Variants in ITPR2 observed in about 807,000 individuals in gnomAD.
The protein encoded by ITPR2 is inositol 1,4,5-trisphosphate-gated calcium channel ITPR2.
A neutral mutation model predicts 317.1 loss-of-function variants in ITPR2; 207 were observed. The ratio of observed to expected loss-of-function variants is 0.65; its 90% CI spans 0.58 to 0.73. The LOEUF (loss-of-function observed/expected upper bound fraction) is 0.73, where lower values mean the gene tolerates loss of function less well. ITPR2 is among the 30% of genes least tolerant of loss of function. The pLI, the probability that ITPR2 is intolerant of heterozygous loss-of-function variation, is 0.00. For synonymous variants in ITPR2, 1,156 were observed against 1,149.1 expected, an observed-to-expected ratio of 1.01 and a Z score of -0.12; for missense variants, 2,613 against 3,284.0, an observed-to-expected ratio of 0.80 and a Z score of 4.99.
At chr12:26,747,251 T>A (rs1365554077) in intron 2 of ITPR2, among the ~76,000 whole-genome samples, 1 of 152,198 alleles carries the variant, frequency 6.6e-6, no homozygotes, top group Non-Finnish European at 1.5e-5. Flanking sequence ...TACAATTCAC[T>A]ATGCTACCAG....
chr12:26,409,016 C>A lies in ITPR2; in HGVS notation c.7399+2304G>T, dbSNP rs80207992. Among the ~76,000 whole-genome samples the A allele has an allele frequency of 7.2e-3, 1,096 of 152,224 alleles. 6 individuals carry two copies. The highest frequency in any genetic ancestry group is 9.7e-3 in the Non-Finnish European group (659 of 68,012). ...CCAGGAGTCATTTAATTTTACCCAGCTATTTCAACTATGTTCAAGTTTTCA... is the reference window on the plus strand; with the variant it reads ...CCAGGAGTCATTTAATTTTACCCAGATATTTCAACTATGTTCAAGTTTTCA... On this transcript the variant is annotated intron_variant, in intron 52 of 56. Coordinates refer to ENST00000381340, the MANE Select transcript of ITPR2 (RefSeq NM_002223.4).
In ITPR2 at chr12:26,338,437, G is replaced by A. The variant is rs934722459; in HGVS notation, c.*960C>T. 2 of 152,510 alleles carry A rather than the reference G, an allele frequency of 1.3e-5. No homozygotes were observed. Among genetic ancestry groups the A allele is most frequent in the Non-Finnish European group, 2.9e-5 (2 of 68,010 alleles). The allele number at this position is 152,510 out of a possible 1,614,324, so 9.4% of individuals were successfully genotyped here. A position where few individuals can be genotyped will look rare whatever the true frequency, so the allele number is the denominator to read the frequency against. ...GCATACATAAAAACGCTCGGGTCCT[G>A]AAGCAATTCTTTAAGCACAGCAAAC... On this transcript the variant is annotated 3_prime_UTR_variant, in exon 57 of 57. Coordinates refer to ENST00000381340, the MANE Select transcript of ITPR2 (RefSeq NM_002223.4).
chr12:26,621,370 T>C (rs1199182027), intron 25 of ITPR2, 74 bp from the exon 26 acceptor site: 11 of 1,180,256 alleles, frequency 9.3e-6, no homozygotes, highest in Admixed American at 2.3e-5. Context: ...TAGATGTATA[T>C]TGACCATGAA....
chr12:26,438,900 T>G (rs185049398), intron 47 of ITPR2, among the ~76,000 whole-genome samples: 64 of 152,360 alleles, frequency 4.2e-4, no homozygotes, highest in African/African-American at 1.4e-3. Context: ...AGGATCATCA[T>G]GAAGAGTCGA....
At chr12:26,553,021 A>G (rs1357940524) in intron 36 of ITPR2, among the ~76,000 whole-genome samples, 1 of 152,236 alleles carries the variant, frequency 6.6e-6, no homozygotes, top group Non-Finnish European at 1.5e-5. Context: ...ATATTTCACA[A>G]AACAACCCAG....
rs78844864 is a variant in ITPR2 at position 26,829,539 on chromosome 12, C to T, written c.92+3151G>A. ...ATATTTTTTGTACAGACAGGGTCTC[C>T]GTCTGTTGCCCAGGCTGGATCACGG... On this transcript the variant is annotated intron_variant, in intron 1 of 56. Coordinates refer to ENST00000381340, the MANE Select transcript of ITPR2 (RefSeq NM_002223.4). Among the ~76,000 whole-genome samples, 644 of 152,106 alleles carry T rather than the reference C, an allele frequency of 4.2e-3. 8 individuals are homozygous for T. Among genetic ancestry groups the T allele is most frequent in the African/African-American group, 0.015 (611 of 41,490 alleles).
At chr12:26,682,726 A>G (rs1312317159) in intron 11 of ITPR2, 53 bp from the exon 12 acceptor site, 3 of 1,032,084 alleles carry the variant, frequency 2.9e-6, no homozygotes, top group Non-Finnish European at 4.5e-6. Flanking sequence ...GCACACTTAC[A>G]TATTAACATC....
chr12:26,419,060 A>G lies in ITPR2; in HGVS notation c.7099T>C (p.Tyr2367His). 6.2e-7 allele frequency: 1 copy of G among 1,613,504 alleles called. No homozygotes were observed. Among genetic ancestry groups the G allele is most frequent in the South Asian group, 1.1e-5 (1 of 91,010 alleles). The part of the protein sequence containing the change: ...MLGLFVHEFF[Y>H]SFLLFDLVYR... ...AGAGATGTACTCACCAGGAAGCTAT[A>G]GAAGAATTCATGGACAAAAAGGCCC... The change falls in exon 50 of 57, where the codon TAT becomes CAT. Residue 2367 changes from tyrosine to histidine, a missense_variant. By Grantham distance (83) the Tyr-to-His change is moderately conservative. Coordinates refer to ENST00000381340, the MANE Select transcript of ITPR2 (RefSeq NM_002223.4).
intron 2 of ITPR2, among the ~76,000 whole-genome samples, chr12:26,777,559 T>G (rs1949996309): frequency 1.3e-5 from 2 of 152,222 alleles, no homozygotes; most frequent in African/African-American, 4.8e-5. Context: ...ATCAGAATAG[T>G]CTGACTCGTG....
chr12:26,499,326 C>T (rs1246542197), intron 37 of ITPR2, among the ~76,000 whole-genome samples: 14 of 152,182 alleles, frequency 9.2e-5, no homozygotes, highest in Non-Finnish European at 2.1e-4. Context: ...GCATCTATTT[C>T]CTCACCATGT....
intron 37 of ITPR2, among the ~76,000 whole-genome samples, chr12:26,509,155 T>C (rs1943264358): frequency 6.6e-6 from 1 of 152,212 alleles, no homozygotes; most frequent in Non-Finnish European, 1.5e-5. Context: ...ACATATTGTA[T>C]GATTCCATTT....
chr12:26,712,061 C>A (rs1948653493), intron 8 of ITPR2, among the ~76,000 whole-genome samples: 1 of 152,140 alleles, frequency 6.6e-6, no homozygotes, highest in African/African-American at 2.4e-5. Flanking sequence ...GCGGGATGGG[C>A]AGCAGAAAAG....
rs377522871 is a variant in ITPR2 at position 26,556,280 on chromosome 12, G to A, written c.4917C>T (p.Phe1639=). Reference sequence around the variant, plus strand: ...TTATTCTTGCATCGCTTCCCTCAGGGAACAGCAGTTCTGGACTGTACAATA... The same window carrying A: ...TTATTCTTGCATCGCTTCCCTCAGGAAACAGCAGTTCTGGACTGTACAATA... The part of the protein sequence containing the change: ...VDVLYSPELL[F]PEGSDARIRC... The change falls in exon 36 of 57, where the codon TTC becomes TTT. Residue 1639 remains phenylalanine (F), a synonymous_variant. Transcript: ENST00000381340. 18 of 1,613,822 alleles carry A rather than the reference G, an allele frequency of 1.1e-5. No individual in the cohort carries two copies. The African/African-American group carries it at 1.3e-4, about 12-fold the overall frequency.
At chr12:26,361,262 T>C (rs1017505094) in intron 55 of ITPR2, among the ~76,000 whole-genome samples, 9 of 151,952 alleles carry the variant, frequency 5.9e-5, no homozygotes, top group African/African-American at 2.2e-4. Context: ...TGCTGGAAGT[T>C]GGGTTTTGAA....
intron 55 of ITPR2, among the ~76,000 whole-genome samples, chr12:26,357,062 CAG>C (rs1938664211): frequency 1.3e-5 from 2 of 151,832 alleles, no homozygotes; most frequent in African/African-American, 4.8e-5. Flanking sequence ...TCCCGAGTGA[CAG>C]AGTGTCTTTT....
chr12:26,564,002 T>C (rs1415000037), intron 34 of ITPR2, among the ~76,000 whole-genome samples: 1 of 152,210 alleles, frequency 6.6e-6, no homozygotes, highest in Non-Finnish European at 1.5e-5. Flanking sequence ...ATAATCCTAA[T>C]TATTGTCCTC....
chr12:26,561,121 G>A (rs1466691052), intron 35 of ITPR2, among the ~76,000 whole-genome samples: 1 of 152,152 alleles, frequency 6.6e-6, no homozygotes. Context: ...AAGAAGAAGG[G>A]ATTAGGACAC....
chr12:26,400,490 G>A (rs982899345), intron 52 of ITPR2, among the ~76,000 whole-genome samples: 6 of 151,908 alleles, frequency 3.9e-5, no homozygotes, highest in Admixed American at 6.6e-5. Flanking sequence ...GCAAACTTAC[G>A]TTTTAAAAAA....
At chr12:26,788,096 A>G (rs1297995320) in intron 2 of ITPR2, among the ~76,000 whole-genome samples, 2 of 150,528 alleles carry the variant, frequency 1.3e-5, no homozygotes, top group Non-Finnish European at 1.5e-5. Context: ...CTAATTTTGC[A>G]TTTTTAGTAG....
Sources: gnomAD v4.1 joint callset for allele counts (sites outside exome capture counted in the v4.1 genomes callset) on GRCh38, gnomAD v4.1.1 for gene constraint, MANE v1.5 for transcripts, NCBI Gene and HGNC (gene_info 2026-07-23, HGNC 2026-07-21) for gene names.